The following RBFOX1 variants were observed in gnomAD, a reference collection of about 807,000 sequenced individuals.
RBFOX1 encodes the protein RNA binding protein fox-1 homolog 1.
In RBFOX1, 8 loss-of-function variants were observed where a neutral mutation model predicts 57.7. That is an observed-to-expected ratio of 0.14 (90% CI 0.08 to 0.25). The LOEUF (loss-of-function observed/expected upper bound fraction) is 0.25. Ranked by LOEUF, RBFOX1 falls within the 10% of genes least tolerant of loss-of-function variation. The pLI is 1.00. For missense variants in RBFOX1, 611 were observed against 548.5 expected (o/e 1.11, Z -1.14); for synonymous variants, 326 against 222.4 (o/e 1.47, Z -4.15).
intron 4 of RBFOX1, among the ~76,000 whole-genome samples, chr16:7,319,892 G>A (rs942458824): frequency 1.3e-5 from 2 of 152,106 alleles, no homozygotes; most frequent in African/African-American, 4.8e-5. Context: ...CCATGGACTT[G>A]TTAAAAGACT....
chr16:6,663,225 A>G (rs1047945766), intron 3 of RBFOX1, among the ~76,000 whole-genome samples: 4 of 152,168 alleles, frequency 2.6e-5, no homozygotes, highest in African/African-American at 9.7e-5. Context: ...CTTACTGACA[A>G]TGGATGGGTG....
At position 7,518,362 on chromosome 16, in the gene RBFOX1, C is replaced by T. The variant is rs1268768787; in HGVS notation, c.243C>T (p.Ser81=). 3.1e-6 allele frequency: 5 copies of T among 1,612,116 alleles called. No individual in the cohort carries two copies. Among genetic ancestry groups the T allele is most frequent in the Admixed American group, 1.7e-5 (1 of 59,916 alleles). The change falls in exon 5 of 16, where the codon AGC becomes AGT. Residue 81 remains serine, a synonymous_variant. Transcript: ENST00000550418. ...CCGAGCAGAGCCCGGCGGACACGAGCGCTCAGACCGTCTCTGGCACCGCCA... is the reference window on the plus strand; with the variant it reads ...CCGAGCAGAGCCCGGCGGACACGAGTGCTCAGACCGTCTCTGGCACCGCCA... ...THSEQSPADT[S]AQTVSGTATQ... is the part of the protein sequence containing the mutation.
chr16:6,578,162 C>T (rs957180525), intron 2 of RBFOX1, among the ~76,000 whole-genome samples: 3 of 152,238 alleles, frequency 2.0e-5, no homozygotes, highest in African/African-American at 7.2e-5. Flanking sequence ...CTAACTACTA[C>T]TAGACATCAG....
intron 14 of RBFOX1, among the ~76,000 whole-genome samples, chr16:7,706,762 CCAAT>C (rs1244926851): frequency 1.3e-5 from 2 of 152,046 alleles, no homozygotes; most frequent in African/African-American, 2.4e-5. Context: ...TTTCTCTGGA[CCAAT>C]CAATCACAGA....
chr16:5,691,331 C>T (rs2050673981), intron 3 of RBFOX1, among the ~76,000 whole-genome samples: 1 of 152,152 alleles, frequency 6.6e-6, no homozygotes, highest in African/African-American at 2.4e-5. Context: ...TAGTCTCTGC[C>T]TGATCTGTGC....
downstream of RBFOX1, among the ~76,000 whole-genome samples, chr16:5,604,773 G>T (rs1002241385): frequency 3.9e-5 from 6 of 151,906 alleles, no homozygotes; most frequent in African/African-American, 1.5e-4. Context: ...CCTTTTTCTT[G>T]CAGAAAAGGG....
chr16:6,997,599 C>T (rs1324890459), intron 3 of RBFOX1, among the ~76,000 whole-genome samples: 3 of 152,128 alleles, frequency 2.0e-5, no homozygotes, highest in East Asian at 1.9e-4. Context: ...AGATAGACTG[C>T]GTTTTGCAAA....
At chr16:7,218,082 TG>T (rs2152831530) in intron 4 of RBFOX1, among the ~76,000 whole-genome samples, 1 of 68,174 alleles carries the variant, frequency 1.5e-5, no homozygotes, top group East Asian at 1.6e-3. Flanking sequence ...TGTGCGTCTG[TG>T]TGTGTGTGTG....
intron 1 of RBFOX1, among the ~76,000 whole-genome samples, chr16:5,288,720 C>G (rs2063460042): frequency 6.6e-6 from 1 of 150,534 alleles, no homozygotes; most frequent in South Asian, 2.1e-4. Context: ...TCCCACTTCT[C>G]CCCTCCAAAA....
intron 4 of RBFOX1, among the ~76,000 whole-genome samples, chr16:7,183,109 T>C (rs1289274779): frequency 6.6e-6 from 1 of 152,116 alleles, no homozygotes; most frequent in East Asian, 1.9e-4. Context: ...GGAGAGAGAA[T>C]TGAATTGCCC....
chr16:7,179,573 T>C (rs59480165), intron 4 of RBFOX1, among the ~76,000 whole-genome samples: 15,184 of 152,116 alleles, frequency 0.1, 834 homozygotes, highest in Non-Finnish European at 0.11. Flanking sequence ...ACATTTTAAA[T>C]TTAACGTGGA....
chr16:6,713,620 C>A (rs1320559272), intron 3 of RBFOX1, among the ~76,000 whole-genome samples: 1 of 152,124 alleles, frequency 6.6e-6, no homozygotes, highest in Non-Finnish European at 1.5e-5. Flanking sequence ...TCCTTCCTTT[C>A]TCCATTGGGA....
chr16:7,092,827 G>C (rs538253359), intron 4 of RBFOX1, among the ~76,000 whole-genome samples: 1 of 152,164 alleles, frequency 6.6e-6, no homozygotes, highest in Admixed American at 6.5e-5. Flanking sequence ...CAAGTATTCT[G>C]TCCCCTTTAC....
intron 15 of RBFOX1, 94 bp from the exon 16 acceptor site, chr16:7,710,529 T>G: frequency 6.3e-7 from 1 of 1,582,510 alleles, no homozygotes; most frequent in Admixed American, 1.9e-5. Context: ...TCGGTTGGTT[T>G]TGAGTGTCTA....
intron 3 of RBFOX1, among the ~76,000 whole-genome samples, chr16:7,043,171 C>T (rs906989181): frequency 6.6e-6 from 1 of 152,136 alleles, no homozygotes; most frequent in East Asian, 1.9e-4. Context: ...AGGGTCTCAG[C>T]TCCAGAAACA....
intron 4 of RBFOX1, among the ~76,000 whole-genome samples, chr16:7,106,618 T>C (rs985852886): frequency 7.2e-5 from 11 of 152,102 alleles, no homozygotes; most frequent in Admixed American, 2.0e-4. Context: ...GGTCCTGGCA[T>C]AATAATAATA....
At chr16:7,050,810 A>G (rs1184573576) in intron 3 of RBFOX1, among the ~76,000 whole-genome samples, 1 of 152,048 alleles carries the variant, frequency 6.6e-6, no homozygotes, top group East Asian at 1.9e-4. Flanking sequence ...TTCATACATA[A>G]TGTTGTTGTT....
intron 4 of RBFOX1, among the ~76,000 whole-genome samples, chr16:7,218,567 T>G (rs1028122845): frequency 2.6e-5 from 4 of 151,668 alleles, no homozygotes; most frequent in African/African-American, 9.7e-5. Flanking sequence ...AGGTAAAAAG[T>G]TTTTTTGAGT....
At chr16:7,057,836 C>T (rs966143954) in intron 4 of RBFOX1, among the ~76,000 whole-genome samples, 16 of 151,952 alleles carry the variant, frequency 1.1e-4, no homozygotes, top group Non-Finnish European at 2.2e-4. Flanking sequence ...GGTGAAACCC[C>T]GTCTCTGCTA....
Sources: allele counts gnomAD v4.1 joint callset (sites outside exome capture counted in the v4.1 genomes callset), GRCh38; gene constraint gnomAD v4.1.1; transcripts MANE v1.5; gene names NCBI Gene and HGNC (gene_info 2026-07-23, HGNC 2026-07-21).